Variants in TRAK2 observed in about 807,000 individuals in gnomAD.
The protein encoded by TRAK2 is trafficking kinesin-binding protein 2.
In TRAK2, 81 loss-of-function variants were observed where a neutral mutation model predicts 104.6. The observed-to-expected ratio is 0.77, with a 90% CI of 0.65 to 0.93. The LOEUF (loss-of-function observed/expected upper bound fraction) is 0.93. TRAK2 is among the 40% of genes least tolerant of loss of function. The pLI is 0.00. For synonymous variants in TRAK2, 406 were observed against 394.4 expected (o/e 1.03, Z -0.35); for missense variants, 1,002 against 1,089.0 (o/e 0.92, Z 1.12).
intron 9 of TRAK2, among the ~76,000 whole-genome samples, chr2:201,394,106 T>G (rs1951474445): frequency 6.6e-6 from 1 of 152,062 alleles, no homozygotes; most frequent in Non-Finnish European, 1.5e-5. Context: ...TAAATAAAAT[T>G]TTATGTAGAT....
chr2:201,439,660 T>C (rs1951904011), intron 1 of TRAK2, among the ~76,000 whole-genome samples: 1 of 151,774 alleles, frequency 6.6e-6, no homozygotes, highest in African/African-American at 2.4e-5. Flanking sequence ...GTAGCCAAGA[T>C]GGCAAAATAG....
At chr2:201,448,981 C>T (rs1272253758) in intron 1 of TRAK2, among the ~76,000 whole-genome samples, 2 of 152,114 alleles carry the variant, frequency 1.3e-5, no homozygotes, top group South Asian at 2.1e-4. Flanking sequence ...GTCACCACAC[C>T]CAGCAGGGTC....
At chr2:201,384,063 T>C (rs753601467) in intron 15 of TRAK2, 48 bp downstream of exon 15, 6 of 1,188,314 alleles carry the variant, frequency 5.0e-6, no homozygotes, top group Admixed American at 2.1e-5. Flanking sequence ...TTCATGAAAA[T>C]ATAGCTGAGG....
At chr2:201,393,132 T>C in intron 9 of TRAK2, 86 bp from the exon 10 acceptor site, 1 of 1,397,886 alleles carries the variant, frequency 7.2e-7, no homozygotes, top group Non-Finnish European at 9.6e-7. Flanking sequence ...GGATAAGTAT[T>C]GATTTTACCC....
chr2:201,437,854 A>C (rs1951890343), intron 1 of TRAK2, among the ~76,000 whole-genome samples: 2 of 152,140 alleles, frequency 1.3e-5, no homozygotes, highest in South Asian at 4.1e-4. Flanking sequence ...TCTACCTCTA[A>C]ATGTACACAC....
intron 1 of TRAK2, among the ~76,000 whole-genome samples, chr2:201,435,112 A>G (rs1477302104): frequency 2.0e-5 from 3 of 152,112 alleles, no homozygotes; most frequent in Admixed American, 2.0e-4. Context: ...GTTGGAGTGC[A>G]GTGGCATGAT....
chr2:201,417,677 C>G (rs542706195), intron 2 of TRAK2, among the ~76,000 whole-genome samples: 2 of 152,124 alleles, frequency 1.3e-5, no homozygotes, highest in Non-Finnish European at 2.9e-5. Context: ...AGGATGTTTG[C>G]TCTTACCATT....
At chr2:201,441,390 A>G (rs1277717247) in intron 1 of TRAK2, among the ~76,000 whole-genome samples, 1 of 152,224 alleles carries the variant, frequency 6.6e-6, no homozygotes, top group Non-Finnish European at 1.5e-5. Flanking sequence ...TCATGAATGC[A>G]TTTAAAATAA....
At chr2:201,414,821 CTATT>C (rs920744591) in intron 2 of TRAK2, among the ~76,000 whole-genome samples, 51 of 114,018 alleles carry the variant, frequency 4.5e-4, no homozygotes, top group African/African-American at 1.4e-3. Context: ...TAAAAACAGA[CTATT>C]AGGTATTCAA....
rs1951730063 is a variant in TRAK2, at chr2:201,420,424, G to C, written c.84C>G (p.Ser28Arg). Residue 28 changes from serine to arginine, a missense_variant, in exon 2 of 16, where the codon AGC becomes AGG. Physicochemically the swap from Ser to Arg is moderately radical, Grantham distance 110 (BLOSUM62 -1). Transcript: ENST00000332624. ...LMNSNHRDSE[S>R]ITDVCSNEDL... is the part of the protein sequence containing the mutation. ...TTATTAAACTGGACTTACCAGTGAT[G>C]CTCTCCGAGTCTCTGTGATTGCTAT... The C allele has an allele frequency of 6.2e-7, 1 of 1,613,572 alleles. No individual in the cohort carries two copies. Among genetic ancestry groups the C allele is most frequent in the Admixed American group, 1.7e-5 (1 of 60,016 alleles).
intron 15 of TRAK2, 151 bp downstream of exon 15, chr2:201,383,960 G>A: frequency 1.6e-6 from 1 of 611,282 alleles, no homozygotes. Flanking sequence ...AATCAAATGA[G>A]AAAATGCAAT....
intron 1 of TRAK2, among the ~76,000 whole-genome samples, chr2:201,431,773 G>A (rs1021767308): frequency 6.6e-6 from 1 of 152,156 alleles, no homozygotes. Flanking sequence ...TTAAGAATGT[G>A]GATTCTGGAA....
At position 201,447,701 on chromosome 2, in the gene TRAK2, C is replaced by T. The variant is rs1951974888; in HGVS notation, c.-200+3649G>A. Reference sequence around the variant, plus strand: ...CATCTGAACTTAATCACCCCAAAGCCCTGTCTCCAAATACAGTCACATTCT... The same window carrying T: ...CATCTGAACTTAATCACCCCAAAGCTCTGTCTCCAAATACAGTCACATTCT... On this transcript the variant is annotated intron_variant, in intron 1 of 15. Transcript: ENST00000332624. This position sits in a 1 kb window ranked among gnomAD's most constrained non-coding sequence, Gnocchi z 4.1. 6.6e-6 allele frequency among the ~76,000 whole-genome samples: 1 copy of T among 152,170 alleles called. No individual in the cohort carries two copies. The highest frequency in any genetic ancestry group is 6.5e-5 in the Admixed American group (1 of 15,278).
At chr2:201,410,258 A>G (rs1653031607) in intron 2 of TRAK2, among the ~76,000 whole-genome samples, 1 of 151,958 alleles carries the variant, frequency 6.6e-6, no homozygotes, top group Non-Finnish European at 1.5e-5. Flanking sequence ...GTGAGCCGAG[A>G]TCGCGCCACT....
intron 1 of TRAK2, among the ~76,000 whole-genome samples, chr2:201,443,531 AC>A (rs1951941741): frequency 6.6e-6 from 1 of 152,012 alleles, no homozygotes; most frequent in South Asian, 2.1e-4. Flanking sequence ...TTGCCAACCA[AC>A]CACTACCACA....
chr2:201,450,067 C>T (rs1359436469), intron 1 of TRAK2, among the ~76,000 whole-genome samples: 1 of 152,104 alleles, frequency 6.6e-6, no homozygotes, highest in Non-Finnish European at 1.5e-5. Flanking sequence ...CTGTCTTTCA[C>T]ATGGTATGTG....
At chr2:201,413,002 G>T (rs527285222) in intron 2 of TRAK2, 1 of 776,634 alleles carries the variant, frequency 1.3e-6, no homozygotes, top group Non-Finnish European at 2.4e-6. Context: ...AAGAATGCTG[G>T]ACAGTAAGAA....
chr2:201,411,526 C>G (rs1433196933), intron 2 of TRAK2: 1 of 747,816 alleles, frequency 1.3e-6, no homozygotes, highest in Non-Finnish European at 2.5e-6. Context: ...TGTTCAGACT[C>G]CAACCTATTC....
chr2:201,381,762 T>C (rs919536237), intron 15 of TRAK2, among the ~76,000 whole-genome samples: 5 of 99,256 alleles, frequency 5.0e-5, no homozygotes, highest in African/African-American at 1.4e-4. Flanking sequence ...TTTTATTTCA[T>C]TGAGAAATAA....
Sources: allele counts gnomAD v4.1 joint callset (sites outside exome capture counted in the v4.1 genomes callset), GRCh38; gene constraint gnomAD v4.1.1; non-coding constraint Gnocchi (gnomAD v3.1); transcripts MANE v1.5; gene names NCBI Gene and HGNC (gene_info 2026-07-23, HGNC 2026-07-21).